Variants in RPL22L1 observed in about 807,000 individuals in gnomAD.
The protein encoded by RPL22L1 is ribosomal protein eL22-like.
A neutral mutation model predicts 17.3 loss-of-function variants in RPL22L1; 19 were observed. The observed-to-expected ratio is 1.10, with a 90% CI of 0.77 to 1.61. The LOEUF is 1.61. Ranked by LOEUF, RPL22L1 falls within the 40% of genes most tolerant of loss-of-function variation. RPL22L1 has a pLI of 0.00. For missense variants in RPL22L1, 139 were observed against 144.4 expected (o/e 0.96, Z 0.19); for synonymous variants, 48 against 48.5 (o/e 0.99, Z 0.05).
Position 170,866,528 on chromosome 3 carries a change from TTAAAA to T in RPL22L1, c.225-9_225-5del. ...CTTGGTAAGGTATTTCAAATACCTTTTAAAATAAAAACATAAATTTCATTAAGAAA... is the reference window on the plus strand; with the variant it reads ...CTTGGTAAGGTATTTCAAATACCTTTTAAAAACATAAATTTCATTAAGAAA... On this transcript the variant is annotated splice_polypyrimidine_tract_variant and splice_region_variant and intron_variant, in intron 3 of 3. Coordinates refer to ENST00000295830, the MANE Select transcript of RPL22L1 (RefSeq NM_001099645.2). 6.5e-7 allele frequency: 1 copy of T among 1,526,990 alleles called. No individual in the cohort carries two copies. Among genetic ancestry groups the T allele is most frequent in the Non-Finnish European group, 8.9e-7 (1 of 1,129,236 alleles). The allele number at this position is 1,526,990 out of a possible 1,614,324, so 94.6% of individuals were successfully genotyped here.
In RPL22L1 at chr3:170,868,028, T is replaced by A. The variant is rs1406034465; in HGVS notation, c.209A>T (p.Lys70Ile). The A allele has an allele frequency of 6.3e-7, 1 of 1,597,962 alleles. No homozygotes were observed. The highest frequency in any genetic ancestry group is 8.5e-7 in the Non-Finnish European group (1 of 1,172,310). ...AAGTACCAACCTTTTAGAGAACTGT[T>A]TCTCAGAAACAACTGTGATTTTATT... Reference protein sequence around the residue: ...FKNKITVVSEKQFSKRYLKYL... With the variant: ...FKNKITVVSEIQFSKRYLKYL... Residue 70 changes from lysine (K) to isoleucine (I), a missense_variant, in exon 3 of 4, where the codon AAA (lysine) becomes ATA (isoleucine). Coordinates refer to ENST00000295830, the MANE Select transcript of RPL22L1 (RefSeq NM_001099645.2).
intron 3 of RPL22L1, among the ~76,000 whole-genome samples, chr3:170,867,474 TAATTCC>T (rs1711814639): frequency 6.6e-6 from 1 of 152,204 alleles, no homozygotes; most frequent in African/African-American, 2.4e-5. Flanking sequence ...ACTGCTTGAT[TAATTCC>T]ATTTCACTCT....
At chr3:170,867,836 C>G (rs1560002358) in intron 3 of RPL22L1, among the ~76,000 whole-genome samples, 177 bp downstream of exon 3, 1 of 151,566 alleles carries the variant, frequency 6.6e-6, no homozygotes, top group Non-Finnish European at 1.5e-5. Flanking sequence ...CAATAAATGA[C>G]ACTTACAACT....
Position 170,866,538 on chromosome 3 carries a change from A to G in RPL22L1, c.225-14T>C. The G allele has an allele frequency of 6.6e-7, 1 of 1,515,122 alleles. No individual in the cohort carries two copies. The highest frequency in any genetic ancestry group is 8.9e-7 in the Non-Finnish European group (1 of 1,118,288). The allele number at this position is 1,515,122 out of a possible 1,614,324, so 93.9% of individuals were successfully genotyped here. Reference sequence around the variant, plus strand: ...TATTTCAAATACCTTTTAAAATAAAAACATAAATTTCATTAAGAAATACAA... The same window carrying G: ...TATTTCAAATACCTTTTAAAATAAAGACATAAATTTCATTAAGAAATACAA... On this transcript the variant is annotated splice_polypyrimidine_tract_variant and intron_variant, in intron 3 of 3. Coordinates refer to ENST00000295830, the MANE Select transcript of RPL22L1 (RefSeq NM_001099645.2).
At chr3:170,867,193 T>C (rs963970698) in intron 3 of RPL22L1, among the ~76,000 whole-genome samples, 2 of 152,188 alleles carry the variant, frequency 1.3e-5, no homozygotes, top group Non-Finnish European at 2.9e-5. Flanking sequence ...ATCACCCTAG[T>C]CTTTTTCAGC....
Position 170,870,159 on chromosome 3 carries a change from C to A in RPL22L1, c.9G>T (p.Pro3=), listed in dbSNP as rs985181044. The change falls in exon 1 of 4, where the codon CCG becomes CCT. Residue 3 remains proline (P), a splice_region_variant and synonymous_variant. Transcript: ENST00000295830. ...TCCCACCAAGACATCGCTCACTCAC[C>A]GGCGCCATCTTGCGAGTCGGCCGCG... The part of the protein sequence containing the change: MA[P]QKDRKPKRST... 1 of 1,614,006 alleles carries A rather than the reference C, an allele frequency of 6.2e-7. No homozygotes were observed. Among genetic ancestry groups the A allele is most frequent in the Non-Finnish European group, 8.5e-7 (1 of 1,179,896 alleles).
At chr3:170,866,640 A>T (rs577702482) in intron 3 of RPL22L1, 116 bp from the exon 4 acceptor site, 1 of 705,476 alleles carries the variant, frequency 1.4e-6, no homozygotes, top group East Asian at 2.8e-5. Context: ...GCTTCCTCCA[A>T]AATATTTCAT....
chr3:170,867,815 T>C (rs1359791588), intron 3 of RPL22L1, among the ~76,000 whole-genome samples, 198 bp downstream of exon 3: 5 of 152,136 alleles, frequency 3.3e-5, no homozygotes, highest in African/African-American at 4.8e-5. Context: ...CACAACTGGC[T>C]CATATTCTAG....
chr3:170,866,308 A>T lies in RPL22L1; in HGVS notation c.*72T>A, dbSNP rs1711757943. On this transcript the variant is annotated 3_prime_UTR_variant, in exon 4 of 4. Coordinates refer to ENST00000295830, the MANE Select transcript of RPL22L1 (RefSeq NM_001099645.2). ...TTATTCACTGATAAACTAAAAGCCA[A>T]TTTCTTGGTATTTCTCATGTATACT... 3 of 1,328,932 alleles carry T rather than the reference A, an allele frequency of 2.3e-6. No individual in the cohort carries two copies. The highest frequency in any genetic ancestry group is 3.0e-6 in the Non-Finnish European group (3 of 987,794). 82.3% of individuals were successfully genotyped at this position (1,328,932 alleles called of 1,614,324 possible). A position where few individuals can be genotyped will look rare whatever the true frequency, so the allele number is the denominator to read the frequency against.
Position 170,870,174 on chromosome 3 carries a change from A to T in RPL22L1, c.-7T>A. 1 of 1,613,788 alleles carries T rather than the reference A, an allele frequency of 6.2e-7. No individual in the cohort carries two copies. The highest frequency in any genetic ancestry group is 8.5e-7 in the Non-Finnish European group (1 of 1,179,856). ...GCTCACTCACCGGCGCCATCTTGCG[A>T]GTCGGCCGCGAGAGCAGAGAGGAAG... On this transcript the variant is annotated 5_prime_UTR_variant, in exon 1 of 4. Coordinates refer to ENST00000295830, the MANE Select transcript of RPL22L1 (RefSeq NM_001099645.2).
chr3:170,870,120 T>C (rs771572724), intron 1 of RPL22L1, 39 bp downstream of exon 1: 5 of 1,613,678 alleles, frequency 3.1e-6, no homozygotes, highest in African/African-American at 1.3e-5. Flanking sequence ...AATCATTAAA[T>C]TGCCACACAA....
intron 3 of RPL22L1, among the ~76,000 whole-genome samples, chr3:170,867,471 G>C (rs1181708267): frequency 6.6e-6 from 1 of 152,030 alleles, no homozygotes; most frequent in African/African-American, 2.4e-5. Context: ...ATCACTGCTT[G>C]ATTAATTCCA....
intron 1 of RPL22L1, 110 bp downstream of exon 1, chr3:170,870,049 C>T: frequency 2.7e-6 from 4 of 1,503,962 alleles, no homozygotes; most frequent in Non-Finnish European, 3.7e-6. Context: ...TTCACTACTC[C>T]CCTCCCTTTA....
chr3:170,868,293 C>T lies in RPL22L1; in HGVS notation c.102+5G>A, dbSNP rs1280192014. 8.2e-6 allele frequency: 13 copies of T among 1,584,900 alleles called. No homozygotes were observed. The highest frequency in any genetic ancestry group is 1.1e-5 in the Non-Finnish European group (13 of 1,155,436). ...CAAAAATAAGCCGAGTAGAATGATA[C>T]TTACAAAATTTCCAGAATCAAAAAT... On this transcript the variant is annotated splice_donor_5th_base_variant and intron_variant, in intron 2 of 3. Coordinates refer to ENST00000295830, the MANE Select transcript of RPL22L1 (RefSeq NM_001099645.2).
At position 170,868,282 on chromosome 3, in the gene RPL22L1, G is replaced by A. The variant is rs578066895; in HGVS notation, c.102+16C>T. 1.1e-4 allele frequency: 171 copies of A among 1,549,098 alleles called. 3 individuals are homozygous for A. The South Asian group carries it at 1.6e-3, about 15-fold the overall frequency. ...AACTCTGATTACAAAAATAAGCCGA[G>A]TAGAATGATACTTACAAAATTTCCA... On this transcript the variant is annotated intron_variant, in intron 2 of 3. Coordinates refer to ENST00000295830, the MANE Select transcript of RPL22L1 (RefSeq NM_001099645.2).
rs1711694971 is a variant in RPL22L1, at chr3:170,865,217, T to C, written c.*1163A>G. 6.6e-6 allele frequency: 1 copy of C among 152,240 alleles called. No individual in the cohort carries two copies. Among genetic ancestry groups the C allele is most frequent in the Non-Finnish European group, 1.5e-5 (1 of 68,044 alleles). The allele number at this position is 152,240 out of a possible 1,614,324, so 9.4% of individuals were successfully genotyped here. On this transcript the variant is annotated 3_prime_UTR_variant, in exon 4 of 4. Coordinates refer to ENST00000295830, the MANE Select transcript of RPL22L1 (RefSeq NM_001099645.2). ...ATTAAAACATTGAATTAAACAATAA[T>C]TTCAAGCAATTCCCAAACCAATTAA...
chr3:170,868,011 A>G lies in RPL22L1; in HGVS notation c.224+2T>C, dbSNP rs763071533. On this transcript the variant is annotated splice_donor_variant, in intron 3 of 3. Transcript: ENST00000295830. LOFTEE classifies it high-confidence loss of function. ...TTTATTAAAATTTGCAAAAGTACCA[A>G]CCTTTTAGAGAACTGTTTCTCAGAA... 19 of 1,587,838 alleles carry G rather than the reference A, an allele frequency of 1.2e-5. No homozygotes were observed. Among genetic ancestry groups the G allele is most frequent in the Non-Finnish European group, 1.6e-5 (19 of 1,167,564 alleles).
chr3:170,866,508 T>C lies in RPL22L1; in HGVS notation c.241A>G (p.Thr81Ala). Residue 81 changes from threonine (T) to alanine (A), a missense_variant, in exon 4 of 4, where the codon ACC becomes GCC. Coordinates refer to ENST00000295830, the MANE Select transcript of RPL22L1 (RefSeq NM_001099645.2). ...QFSKRYLKYL[T>A]KKYLKKNNLR... ...TTGTTCTTCTTAAGGTATTTCTTGG[T>C]AAGGTATTTCAAATACCTTTTAAAA... 6.4e-7 allele frequency: 1 copy of C among 1,554,172 alleles called. No individual in the cohort carries two copies. The highest frequency in any genetic ancestry group is 1.2e-5 in the South Asian group (1 of 83,944).
chr3:170,867,042 A>T (rs1283949529), intron 3 of RPL22L1, among the ~76,000 whole-genome samples: 1 of 151,954 alleles, frequency 6.6e-6, no homozygotes, highest in East Asian at 1.9e-4. Flanking sequence ...CTTGATTTAC[A>T]GCTACTACAG....
Sources: allele counts gnomAD v4.1 joint callset (sites outside exome capture counted in the v4.1 genomes callset), GRCh38; gene constraint gnomAD v4.1.1; transcripts MANE v1.5; gene names NCBI Gene and HGNC (gene_info 2026-07-23, HGNC 2026-07-21).